Variants in KIRREL3 observed in about 807,000 individuals in gnomAD.
KIRREL3 encodes kin of IRRE-like protein 3.
In KIRREL3, 36 loss-of-function variants were observed where a neutral mutation model predicts 89.7. The ratio of observed to expected loss-of-function variants is 0.40; its 90% confidence interval spans 0.31 to 0.53. KIRREL3 has a LOEUF of 0.53. Among genes scored for constraint, KIRREL3 ranks in the 20% least tolerant of loss-of-function variants. KIRREL3 has a pLI of 0.49. For missense variants in KIRREL3, 864 were observed against 1,056.6 expected (o/e 0.82, Z 2.53); for synonymous variants, 445 against 441.4 (o/e 1.01, Z -0.10).
At position 126,808,450 on chromosome 11, in the gene KIRREL3, T is replaced by G. The variant is rs73024537; in HGVS notation, c.55+192005A>C. Among the ~76,000 whole-genome samples, 40,816 of 151,992 alleles carry G rather than the reference T, an allele frequency of 0.27. 5,530 individuals carry two copies. The highest frequency in any genetic ancestry group is 0.31 in the South Asian group (1,514 of 4,808). On this transcript the variant is annotated intron_variant, in intron 1 of 16. Coordinates refer to ENST00000525144, the MANE Select transcript of KIRREL3 (RefSeq NM_032531.4). This position sits in a 1 kb window ranked among gnomAD's most constrained non-coding sequence, Gnocchi z 4.1. ...AAGATGTAGAGCAGTTATTAAGGCCTTAAGATAAAGGCAGTTTTTCATGGG... is the reference window on the plus strand; with the variant it reads ...AAGATGTAGAGCAGTTATTAAGGCCGTAAGATAAAGGCAGTTTTTCATGGG...
Position 126,656,103 on chromosome 11 carries a change from A to G in KIRREL3, c.56-93191T>C, listed in dbSNP as rs947885286. 10 of 456,160 alleles carry G rather than the reference A, an allele frequency of 2.2e-5. No individual in the cohort carries two copies. Among genetic ancestry groups the G allele is most frequent in the Non-Finnish European group, 1.8e-5 (4 of 226,938 alleles). 28.3% of individuals were successfully genotyped at this position (456,160 alleles called of 1,614,324 possible). ...GGACTATACCTTATCTATGCTGTGC[A>G]AAGGAATAAGAAACTAGTGCTGTCT... On this transcript the variant is annotated intron_variant, in intron 1 of 16. Coordinates refer to ENST00000525144, the MANE Select transcript of KIRREL3 (RefSeq NM_032531.4). The surrounding 1 kb of genome is among the most constrained non-coding windows in gnomAD (Gnocchi z 4.0).
At chr11:126,589,827 C>T (rs539948) in intron 1 of KIRREL3, among the ~76,000 whole-genome samples, 1 of 152,196 alleles carries the variant, frequency 6.6e-6, no homozygotes, top group Non-Finnish European at 1.5e-5. Flanking sequence ...CCTCACCTGA[C>T]CTTGCTGGCA....
chr11:126,562,674 T>G lies in KIRREL3; in HGVS notation c.133+161A>C, dbSNP rs561876766. ...TTCAGGCATTCACTATGCTTCCCCATGTGATTGTACAAATGGCTTCATGGA... is the reference window on the plus strand; with the variant it reads ...TTCAGGCATTCACTATGCTTCCCCAGGTGATTGTACAAATGGCTTCATGGA... On this transcript the variant is annotated intron_variant, in intron 2 of 16. Coordinates refer to ENST00000525144, the MANE Select transcript of KIRREL3 (RefSeq NM_032531.4). This position sits in a 1 kb window ranked among gnomAD's most constrained non-coding sequence, Gnocchi z 4.7. Among the ~76,000 whole-genome samples the G allele has an allele frequency of 6.6e-6, 1 of 152,194 alleles. No homozygotes were observed. The highest frequency in any genetic ancestry group is 1.9e-4 in the East Asian group (1 of 5,194).
In KIRREL3 at chr11:126,647,833, A is replaced by C. The variant is rs1024912497; in HGVS notation, c.56-84921T>G. 6.6e-6 allele frequency among the ~76,000 whole-genome samples: 1 copy of C among 152,190 alleles called. No homozygotes were observed. Among genetic ancestry groups the C allele is most frequent in the Non-Finnish European group, 1.5e-5 (1 of 68,040 alleles). ...TGTTCAGAACGGTGCAGAGCATTCC[A>C]TCTCACTGAGAATGAAAGCCAACAC... On this transcript the variant is annotated intron_variant, in intron 1 of 16. Transcript: ENST00000525144. This position sits in a 1 kb window ranked among gnomAD's most constrained non-coding sequence, Gnocchi z 4.9.
Position 126,459,319 on chromosome 11 carries a change from T to TG in KIRREL3, c.743-2866dup, listed in dbSNP as rs1490076244. ...GTTGTAGGACCTTCCTGCTGCCCGA[T>TG]GCCTCATCACGCCCCTGCCATGATC... On this transcript the variant is annotated intron_variant, in intron 6 of 16. Transcript: ENST00000525144. The surrounding 1 kb of genome is among the most constrained non-coding windows in gnomAD (Gnocchi z 4.8). Among the ~76,000 whole-genome samples, 1 of 152,174 alleles carries TG rather than the reference T, an allele frequency of 6.6e-6. No individual in the cohort carries two copies. The highest frequency in any genetic ancestry group is 1.5e-5 in the Non-Finnish European group (1 of 68,028).
At chr11:126,947,111 C>G (rs1198971552) in intron 1 of KIRREL3, among the ~76,000 whole-genome samples, 2 of 152,156 alleles carry the variant, frequency 1.3e-5, no homozygotes, top group Non-Finnish European at 2.9e-5. Context: ...CAATAACTCC[C>G]TCCCTCACAG....
At chr11:126,650,361 G>A (rs916183894) in intron 1 of KIRREL3, among the ~76,000 whole-genome samples, 33 of 152,118 alleles carry the variant, frequency 2.2e-4, no homozygotes, top group African/African-American at 7.2e-4. Context: ...ACATTGTCAG[G>A]CTGCATATTT....
rs1941387240 is a variant in KIRREL3 at position 126,578,715 on chromosome 11, G to A, written c.56-15803C>T. ...GGTATGGCAAACTTCCTGACCAACA[G>A]GCTTCTGGACTTCTGACTCAGCACC... On this transcript the variant is annotated intron_variant, in intron 1 of 16. Transcript: ENST00000525144. This position sits in a 1 kb window ranked among gnomAD's most constrained non-coding sequence, Gnocchi z 4.9. Among the ~76,000 whole-genome samples the A allele has an allele frequency of 6.6e-6, 1 of 152,106 alleles. No individual in the cohort carries two copies. Among genetic ancestry groups the A allele is most frequent in the East Asian group, 1.9e-4 (1 of 5,182 alleles).
At chr11:126,921,965 A>C (rs200597100) in intron 1 of KIRREL3, among the ~76,000 whole-genome samples, 15 of 54,298 alleles carry the variant, frequency 2.8e-4, no homozygotes, top group Admixed American at 1.7e-3. Flanking sequence ...GTATATCTAT[A>C]TCTATCTATC....
chr11:126,814,647 C>T lies in KIRREL3; in HGVS notation c.55+185808G>A, dbSNP rs999423305. Among the ~76,000 whole-genome samples, 2 of 152,140 alleles carry T rather than the reference C, an allele frequency of 1.3e-5. No homozygotes were observed. The highest frequency in any genetic ancestry group is 3.8e-4 in the East Asian group (2 of 5,200). On this transcript the variant is annotated intron_variant, in intron 1 of 16. Coordinates refer to ENST00000525144, the MANE Select transcript of KIRREL3 (RefSeq NM_032531.4). This position sits in a 1 kb window ranked among gnomAD's most constrained non-coding sequence, Gnocchi z 4.4. ...CATGGATGGAGCTGGAAGCCATTAT[C>T]CTCAGTAAACTAACACAGGAACAGA...
rs1030171026 is a variant in KIRREL3, at chr11:126,435,291, T to A, written c.1565A>T (p.Lys522Met). Reference sequence around the variant, plus strand: ...ACCTGCTTCCAGCCCGGCTCCCGACTTCATTTCCGAACCTGTTTGGAAATA... The same window carrying A: ...ACCTGCTTCCAGCCCGGCTCCCGACATCATTTCCGAACCTGTTTGGAAATA... Reference protein sequence around the residue: ...IRLKEQGSEMKSGAGLEAESV... With the variant: ...IRLKEQGSEMMSGAGLEAESV... The change falls in exon 13 of 17, where the codon AAG (lysine) becomes ATG (methionine). Residue 522 changes from lysine to methionine, a missense_variant. Lys to Met is a moderately conservative substitution (Grantham distance 95, BLOSUM62 -1). Coordinates refer to ENST00000525144, the MANE Select transcript of KIRREL3 (RefSeq NM_032531.4). 2.5e-6 allele frequency: 4 copies of A among 1,613,710 alleles called. No homozygotes were observed. In the African/African-American group the frequency reaches 5.3e-5, roughly 22 times the overall value.
chr11:126,952,122 A>G (rs941410029), intron 1 of KIRREL3, among the ~76,000 whole-genome samples: 4 of 152,244 alleles, frequency 2.6e-5, no homozygotes, highest in Non-Finnish European at 4.4e-5. Context: ...ACGGTGGCTT[A>G]CGCCTCTAAT....
Position 126,569,743 on chromosome 11 carries a change from C to A in KIRREL3, c.56-6831G>T, listed in dbSNP as rs1302260994. ...CAGGCTGTGGGATGGTGAGGGAGGT[C>A]CTTGCAAAAGGCCTTGAAAGCTGGA... is the stretch of plus-strand genomic sequence containing the variant. On this transcript the variant is annotated intron_variant, in intron 1 of 16. Coordinates refer to ENST00000525144, the MANE Select transcript of KIRREL3 (RefSeq NM_032531.4). The surrounding 1 kb of genome is among the most constrained non-coding windows in gnomAD (Gnocchi z 6.5). Among the ~76,000 whole-genome samples, 1 of 152,130 alleles carries A rather than the reference C, an allele frequency of 6.6e-6. No individual in the cohort carries two copies. The highest frequency in any genetic ancestry group is 2.4e-5 in the African/African-American group (1 of 41,414).
intron 1 of KIRREL3, among the ~76,000 whole-genome samples, chr11:126,963,831 A>G (rs947335580): frequency 6.6e-6 from 1 of 152,208 alleles, no homozygotes; most frequent in Admixed American, 6.5e-5. Context: ...GAAAGTGGTT[A>G]AAAGTGCCAC....
rs1191812174 is a variant in KIRREL3 at position 126,683,816 on chromosome 11, G to A, written c.56-120904C>T. On this transcript the variant is annotated intron_variant, in intron 1 of 16. Transcript: ENST00000525144. The surrounding 1 kb of genome is among the most constrained non-coding windows in gnomAD (Gnocchi z 5.2). ...TCTTGGGATGCAAACTGCTTATGTG[G>A]TAGAAACAGGAAGCCGTCTTGAAAC... Among the ~76,000 whole-genome samples, 2 of 152,216 alleles carry A rather than the reference G, an allele frequency of 1.3e-5. No individual in the cohort carries two copies. The highest frequency in any genetic ancestry group is 2.9e-5 in the Non-Finnish European group (2 of 68,044).
intron 1 of KIRREL3, among the ~76,000 whole-genome samples, chr11:126,650,758 A>G (rs1944876964): frequency 6.6e-6 from 1 of 152,174 alleles, no homozygotes; most frequent in Admixed American, 6.5e-5. Flanking sequence ...CAAGTTCCAA[A>G]GTCACTTCCA....
chr11:126,455,909 T>C lies in KIRREL3; in HGVS notation c.848+440A>G, dbSNP rs1176136767. Among the ~76,000 whole-genome samples the C allele has an allele frequency of 6.6e-6, 1 of 151,978 alleles. No homozygotes were observed. Among genetic ancestry groups the C allele is most frequent in the African/African-American group, 2.4e-5 (1 of 41,398 alleles). ...GGCCATGAGTAAGTGTGATCCCGGA[T>C]GCTCACTGGACTGGGCCGGGGCCCA... On this transcript the variant is annotated intron_variant, in intron 7 of 16. Transcript: ENST00000525144. This position sits in a 1 kb window ranked among gnomAD's most constrained non-coding sequence, Gnocchi z 6.4.
chr11:126,451,782 T>G (rs1432979607), intron 7 of KIRREL3, among the ~76,000 whole-genome samples: 1 of 149,330 alleles, frequency 6.7e-6, no homozygotes, highest in Non-Finnish European at 1.5e-5. Context: ...AGTTCTCCGT[T>G]TCCCCTGGTT....
chr11:126,436,877 T>A lies in KIRREL3; in HGVS notation c.1486A>T (p.Ile496Phe), dbSNP rs1223236802. Residue 496 changes from isoleucine to phenylalanine, a missense_variant, in exon 12 of 17, where the codon ATC (isoleucine) becomes TTC (phenylalanine). Transcript: ENST00000525144. Reference protein sequence around the residue: ...SNIVRADFQTIYNCTAWNSFG... With the variant: ...SNIVRADFQTFYNCTAWNSFG... ...CTGTTCCAGGCCGTGCAGTTGTAGA[T>A]GGTCTGGAAGTCGGCCCGCACGATG... The A allele has an allele frequency of 1.9e-6, 3 of 1,613,602 alleles. No homozygotes were observed. Among genetic ancestry groups the A allele is most frequent in the Non-Finnish European group, 2.5e-6 (3 of 1,179,878 alleles).
Sources: allele counts gnomAD v4.1 joint callset (sites outside exome capture counted in the v4.1 genomes callset), GRCh38; gene constraint gnomAD v4.1.1; non-coding constraint Gnocchi (gnomAD v3.1); transcripts MANE v1.5; gene names NCBI Gene and HGNC (gene_info 2026-07-23, HGNC 2026-07-21).